The following RPE65 variants were observed in gnomAD, a reference collection of about 807,000 sequenced individuals.
RPE65 encodes retinoid isomerohydrolase RPE65, also known as retinoid isomerohydrolase.
RPE65 carries 58 observed loss-of-function variants against 68.5 expected under a neutral mutation model. The observed-to-expected ratio is 0.85, with a 90% CI of 0.69 to 1.05. The LOEUF is 1.05. Ranked by LOEUF, RPE65 falls within the 50% of genes least tolerant of loss-of-function variation. The pLI is 0.00. For synonymous variants in RPE65, 220 were observed against 222.2 expected, an observed-to-expected ratio of 0.99 and a Z score of 0.09; for missense variants, 643 against 629.9, an observed-to-expected ratio of 1.02 and a Z score of -0.22.
In RPE65 at chr1:68,440,948, A is replaced by C. The variant is rs188244770; in HGVS notation, c.548T>G (p.Ile183Ser). ...SVNGATAHPHIENDGTVYNIG... is the reference protein window; with the variant it reads ...SVNGATAHPHSENDGTVYNIG... ...ATTGTAAACGGTTCCATCATTTTCAATGTGGGGGTGAGCAGTGGCCCCATT... is the reference window on the plus strand; with the variant it reads ...ATTGTAAACGGTTCCATCATTTTCACTGTGGGGGTGAGCAGTGGCCCCATT... The change falls in exon 6 of 14, where the codon ATT (isoleucine) becomes AGT (serine). Residue 183 changes from isoleucine (I) to serine (S), a missense_variant. By Grantham distance (142) the Ile-to-Ser change is moderately radical (BLOSUM62 -2). Coordinates refer to ENST00000262340, the MANE Select transcript of RPE65 (RefSeq NM_000329.3). 1 of 1,614,034 alleles carries C rather than the reference A, an allele frequency of 6.2e-7. No homozygotes were observed. Among genetic ancestry groups the C allele is most frequent in the African/African-American group, 1.3e-5 (1 of 75,048 alleles).
chr1:68,430,516 T>C (rs1199315700), intron 13 of RPE65, among the ~76,000 whole-genome samples: 3 of 152,296 alleles, frequency 2.0e-5, no homozygotes, highest in Middle Eastern at 3.4e-3. Flanking sequence ...TTTAATCCCA[T>C]AGAGTGTAAT....
intron 3 of RPE65, 119 bp downstream of exon 3, chr1:68,446,591 T>G: frequency 8.7e-7 from 1 of 1,145,092 alleles, no homozygotes; most frequent in Non-Finnish European, 1.3e-6. Context: ...AGGTACATTG[T>G]GAGAAGAAAG....
intron 13 of RPE65, among the ~76,000 whole-genome samples, chr1:68,430,518 G>C (rs988058729): frequency 6.6e-6 from 1 of 152,076 alleles, no homozygotes; most frequent in Non-Finnish European, 1.5e-5. Flanking sequence ...TAATCCCATA[G>C]AGTGTAATCT....
intron 3 of RPE65, 40 bp from the exon 4 acceptor site, chr1:68,444,923 G>A (rs1342539373): frequency 6.4e-7 from 1 of 1,572,718 alleles, no homozygotes; most frequent in East Asian, 2.2e-5. Flanking sequence ...ATAGACAGGA[G>A]CAATCCGTAC....
chr1:68,440,885 T>C lies in RPE65; in HGVS notation c.611A>G (p.Tyr204Cys). 3.1e-6 allele frequency: 5 copies of C among 1,614,090 alleles called. No individual in the cohort carries two copies. The highest frequency in any genetic ancestry group is 3.4e-6 in the Non-Finnish European group (4 of 1,179,942). The change falls in exon 6 of 14, where the codon TAC becomes TGC. Residue 204 changes from tyrosine (Y) to cysteine (C), a missense_variant. Physicochemically the swap from Tyr to Cys is radical, Grantham distance 194. Coordinates refer to ENST00000262340, the MANE Select transcript of RPE65 (RefSeq NM_000329.3). The stretch of plus-strand genomic sequence containing the variant: ...CAGTGGTGGGATCTTTACAATGTTG[T>C]AGGCAATTGAAAAATTTTTTCCAAA... Reference protein sequence around the residue: ...NCFGKNFSIAYNIVKIPPLQA... With the variant: ...NCFGKNFSIACNIVKIPPLQA...
rs1557600322 is a variant in RPE65, at chr1:68,439,564, T to C, written c.722A>G (p.His241Arg). 1.9e-6 allele frequency: 3 copies of C among 1,613,934 alleles called. No individual in the cohort carries two copies. The highest frequency in any genetic ancestry group is 2.5e-6 in the Non-Finnish European group (3 of 1,179,768). ...TCATAGCAGGCCTTCAAGTTACCTA[T>C]GAACGTAAGATGGCTTGAATCGGTC... is the stretch of plus-strand genomic sequence containing the variant. ...CSDRFKPSYV[H>R]SFGLTPNYIV... The change falls in exon 7 of 14, where the codon CAT becomes CGT. Residue 241 changes from histidine to arginine, a missense_variant. Transcript: ENST00000262340.
intron 9 of RPE65, 94 bp downstream of exon 9, chr1:68,438,848 G>C: frequency 6.8e-7 from 1 of 1,473,552 alleles, no homozygotes; most frequent in South Asian, 1.1e-5. Context: ...TGCTGTTTTA[G>C]ATGTGATTCA....
rs534901182 is a variant in RPE65, at chr1:68,449,898, A to G, written c.8T>C (p.Ile3Thr). 4.3e-6 allele frequency: 7 copies of G among 1,614,178 alleles called. No homozygotes were observed. The Admixed American group carries it at 5.0e-5, about 12-fold the overall frequency. MS[I>T]QVEHPAGGYK... ...AAAGTCTCCCAGAGATACTTACTGG[A>G]TAGACATTTTCTTCCAGTTCAGGAT... Residue 3 changes from isoleucine (I) to threonine (T), a missense_variant, in exon 1 of 14, where the codon ATC becomes ACC. Transcript: ENST00000262340.
At position 68,429,820 on chromosome 1, in the gene RPE65, T is replaced by C. The variant is rs1645807186; in HGVS notation, c.1558A>G (p.Ile520Val). 1 of 1,613,830 alleles carries C rather than the reference T, an allele frequency of 6.2e-7. No homozygotes were observed. Among genetic ancestry groups the C allele is most frequent in the Non-Finnish European group, 8.5e-7 (1 of 1,179,810 alleles). ...CCATGAAAGGTGACAGGGATGTTAA[T>C]CTCCACTTCAGCCCGGGCAACTTCA... ...LSEVARAEVE[I>V]NIPVTFHGLF... is the part of the protein sequence containing the mutation. Residue 520 changes from isoleucine to valine, a missense_variant, in exon 14 of 14, where the codon ATT (isoleucine) becomes GTT (valine). Coordinates refer to ENST00000262340, the MANE Select transcript of RPE65 (RefSeq NM_000329.3).
intron 10 of RPE65, among the ~76,000 whole-genome samples, chr1:68,434,373 A>G (rs542251547): frequency 6.6e-6 from 1 of 152,168 alleles, no homozygotes; most frequent in South Asian, 2.1e-4. Flanking sequence ...TTGGTTAAAA[A>G]AGGAGGTTGA....
At chr1:68,449,295 A>G (rs1299539149) in intron 1 of RPE65, among the ~76,000 whole-genome samples, 5 of 152,158 alleles carry the variant, frequency 3.3e-5, no homozygotes, top group South Asian at 2.1e-4. Context: ...TTCTCTACCA[A>G]TCCCCAAGAC....
chr1:68,443,997 A>C (rs1388557904), intron 5 of RPE65, among the ~76,000 whole-genome samples: 1 of 152,206 alleles, frequency 6.6e-6, no homozygotes, highest in Non-Finnish European at 1.5e-5. Context: ...AACCATAAAT[A>C]GCATGATTTT....
chr1:68,429,894 G>T lies in RPE65; in HGVS notation c.1484C>A (p.Ala495Glu). Residue 495 changes from alanine (A) to glutamate (E), a missense_variant, in exon 14 of 14, where the codon GCA (alanine) becomes GAA (glutamate). By Grantham distance (107) the Ala-to-Glu change is moderately radical (BLOSUM62 -1). Transcript: ENST00000262340. ...CAGGAGATAAGCAGGCTTTTGTCCT[G>T]CTCCTGGGCTCACCACCACACTCAG... is the stretch of plus-strand genomic sequence containing the variant. ...VVLSVVVSPG[A>E]GQKPAYLLIL... 6.2e-7 allele frequency: 1 copy of T among 1,613,452 alleles called. No individual in the cohort carries two copies. The highest frequency in any genetic ancestry group is 2.2e-5 in the East Asian group (1 of 44,874).
In RPE65 at chr1:68,446,731, C is replaced by T. The variant is rs201062742; in HGVS notation, c.224G>A (p.Gly75Glu). The change falls in exon 3 of 14, where the codon GGA becomes GAA. Residue 75 changes from glycine (G) to glutamate (E), a missense_variant. Physicochemically the swap from Gly to Glu is moderately conservative, Grantham distance 98 (BLOSUM62 -2). Transcript: ENST00000262340. ...TTACCTTCTGTGGTATGTGACATGT[C>T]CTTCTTTAAAGTCAAACTTGTGCAG... ...ALLHKFDFKE[G>E]HVTYHRRFIR... 207 of 1,614,160 alleles carry T rather than the reference C, an allele frequency of 1.3e-4. 1 individual carries two copies. The East Asian group carries it at 4.5e-3, about 35-fold the overall frequency.
intron 12 of RPE65, 46 bp downstream of exon 12, chr1:68,431,236 A>T: frequency 1.2e-6 from 2 of 1,606,876 alleles, no homozygotes; most frequent in Non-Finnish European, 1.7e-6. Context: ...CTTGACTAGC[A>T]TATACTCAAA....
chr1:68,440,951 T>C lies in RPE65; in HGVS notation c.545A>G (p.His182Arg), dbSNP rs1459110114. 1.9e-6 allele frequency: 3 copies of C among 1,614,020 alleles called. No homozygotes were observed. The highest frequency in any genetic ancestry group is 2.2e-5 in the East Asian group (1 of 44,872). Residue 182 changes from histidine to arginine, a missense_variant, in exon 6 of 14, where the codon CAC (histidine) becomes CGC (arginine). By Grantham distance (29) the His-to-Arg change is conservative. Transcript: ENST00000262340. ...VSVNGATAHPHIENDGTVYNI... is the reference protein window; with the variant it reads ...VSVNGATAHPRIENDGTVYNI... ...GTAAACGGTTCCATCATTTTCAATG[T>C]GGGGGTGAGCAGTGGCCCCATTGAC...
chr1:68,435,395 A>G (rs1405217969), intron 10 of RPE65, among the ~76,000 whole-genome samples: 1 of 152,036 alleles, frequency 6.6e-6, no homozygotes, highest in Non-Finnish European at 1.5e-5. Context: ...CTGCAGTCTT[A>G]TCTCTCTATT....
At chr1:68,447,236 T>C (rs1645948833) in intron 2 of RPE65, among the ~76,000 whole-genome samples, 3 of 152,152 alleles carry the variant, frequency 2.0e-5, no homozygotes, top group African/African-American at 7.2e-5. Flanking sequence ...TATATTTTAG[T>C]GGAGTGAGGA....
Position 68,444,599 on chromosome 1 carries a change from A to T in RPE65, c.427T>A (p.Tyr143Asn). 6.2e-7 allele frequency: 1 copy of T among 1,614,206 alleles called. No homozygotes were observed. Among genetic ancestry groups the T allele is most frequent in the Non-Finnish European group, 8.5e-7 (1 of 1,180,030 alleles). Residue 143 changes from tyrosine to asparagine, a missense_variant, in exon 5 of 14, where the codon TAC becomes AAC. Transcript: ENST00000262340. ...LVNVYPVGED[Y>N]YACTETNFIT... ...AAGTTGGTCTCTGTGCAAGCGTAGTAATCTTCCCCCACTGGGTAGACATTA... is the reference window on the plus strand; with the variant it reads ...AAGTTGGTCTCTGTGCAAGCGTAGTTATCTTCCCCCACTGGGTAGACATTA...
Sources: allele counts gnomAD v4.1 joint callset (sites outside exome capture counted in the v4.1 genomes callset), GRCh38; gene constraint gnomAD v4.1.1; transcripts MANE v1.5; gene names NCBI Gene and HGNC (gene_info 2026-07-23, HGNC 2026-07-21).